Variants in PLPPR5 observed in about 807,000 individuals in gnomAD.
PLPPR5 encodes phospholipid phosphatase related 5, also known as phospholipid phosphatase-related protein type 5.
A neutral mutation model predicts 33.9 loss-of-function variants in PLPPR5; 16 were observed. That is an observed-to-expected ratio of 0.47 (90% CI 0.32 to 0.72). The LOEUF is 0.72. Among genes scored for constraint, PLPPR5 ranks in the 30% least tolerant of loss-of-function variants. PLPPR5 has a pLI of 0.03. For synonymous variants in PLPPR5, 163 were observed against 150.3 expected (o/e 1.08, Z -0.62); for missense variants, 301 against 406.7 (o/e 0.74, Z 2.23).
intron 3 of PLPPR5, among the ~76,000 whole-genome samples, chr1:98,941,774 A>G (rs901976107): frequency 2.0e-5 from 3 of 151,530 alleles, no homozygotes; most frequent in Non-Finnish European, 4.4e-5. Flanking sequence ...TTATAGAGAG[A>G]TTTCTATTTG....
chr1:98,938,416 G>T (rs1414400053), intron 3 of PLPPR5, among the ~76,000 whole-genome samples: 8 of 127,916 alleles, frequency 6.3e-5, no homozygotes, highest in East Asian at 5.6e-4. Flanking sequence ...GGGCAAGATC[G>T]TCTCAAAAAA....
At chr1:98,963,606 T>C (rs1651325922) in intron 1 of PLPPR5, among the ~76,000 whole-genome samples, 1 of 152,154 alleles carries the variant, frequency 6.6e-6, no homozygotes, top group Admixed American at 6.5e-5. Flanking sequence ...CAGAGTTTTA[T>C]TTTGACCACA....
At chr1:98,923,920 G>A (rs189045632) in intron 3 of PLPPR5, among the ~76,000 whole-genome samples, 1 of 152,340 alleles carries the variant, frequency 6.6e-6, no homozygotes, top group Non-Finnish European at 1.5e-5. Context: ...AGCTAATTGA[G>A]TAACTCCTTG....
Position 98,921,901 on chromosome 1 carries a change from A to T in PLPPR5, c.779T>A (p.Ile260Lys). The T allele has an allele frequency of 6.2e-7, 1 of 1,613,302 alleles. No individual in the cohort carries two copies. The highest frequency in any genetic ancestry group is 1.7e-5 in the Admixed American group (1 of 59,756). ...SDVIAGFLVGISIAVFLVVCV... is the reference protein window; with the variant it reads ...SDVIAGFLVGKSIAVFLVVCV... ...ACTTACCAGAAATACTGCTATAGAT[A>T]TTCCAACCAGAAAGCCTGCTATAAC... Residue 260 changes from isoleucine (I) to lysine (K), a missense_variant, in exon 4 of 6, where the codon ATA (isoleucine) becomes AAA (lysine). Ile to Lys is a moderately radical substitution (Grantham distance 102). Coordinates refer to ENST00000263177, the MANE Select transcript of PLPPR5 (RefSeq NM_001037317.2).
At chr1:98,948,730 C>G (rs1185135936) in intron 3 of PLPPR5, among the ~76,000 whole-genome samples, 1 of 152,140 alleles carries the variant, frequency 6.6e-6, no homozygotes, top group Non-Finnish European at 1.5e-5. Context: ...GAGAGAGGCC[C>G]AGCTATTTGT....
In PLPPR5 at chr1:98,902,530, TTGAG is replaced by T. The variant is rs1648733779; in HGVS notation, c.934-9430_934-9427del. Among the ~76,000 whole-genome samples, 4 of 152,134 alleles carry T rather than the reference TTGAG, an allele frequency of 2.6e-5. No homozygotes were observed. The South Asian group carries it at 8.3e-4, about 31-fold the overall frequency. ...ACTGCTTGTTTCATAAAACTGTGAA[TTGAG>T]TCATTGCTTATTTACCTAGTTTTAG... On this transcript the variant is annotated intron_variant, in intron 5 of 5. Coordinates refer to ENST00000263177, the MANE Select transcript of PLPPR5 (RefSeq NM_001037317.2).
At chr1:99,002,359 C>T (rs530926100) in intron 1 of PLPPR5, among the ~76,000 whole-genome samples, 1 of 152,224 alleles carries the variant, frequency 6.6e-6, no homozygotes, top group African/African-American at 2.4e-5. Context: ...GCCTGCCTGA[C>T]CAGCCAGCTT....
intron 1 of PLPPR5, among the ~76,000 whole-genome samples, chr1:98,998,324 G>C (rs527874881): frequency 2.0e-5 from 3 of 152,124 alleles, no homozygotes; most frequent in Non-Finnish European, 4.4e-5. Flanking sequence ...AGAACCAGAG[G>C]GTGGTTCCAC....
chr1:98,911,054 T>C (rs932930916), intron 5 of PLPPR5, among the ~76,000 whole-genome samples: 2 of 152,182 alleles, frequency 1.3e-5, no homozygotes, highest in Non-Finnish European at 2.9e-5. Flanking sequence ...CCTTTCTGCC[T>C]GATGAACACA....
chr1:98,920,752 TA>T (rs1649521293), intron 4 of PLPPR5, among the ~76,000 whole-genome samples: 1 of 152,154 alleles, frequency 6.6e-6, no homozygotes, highest in African/African-American at 2.4e-5. Flanking sequence ...TACTGATTAT[TA>T]ACTAGTAAAA....
At chr1:98,948,683 G>A (rs1376895958) in intron 3 of PLPPR5, among the ~76,000 whole-genome samples, 1 of 152,142 alleles carries the variant, frequency 6.6e-6, no homozygotes, top group African/African-American at 2.4e-5. Flanking sequence ...GATGCCATCA[G>A]GGAAGATGAC....
At chr1:98,978,959 C>T (rs1197934663) in intron 1 of PLPPR5, among the ~76,000 whole-genome samples, 3 of 151,966 alleles carry the variant, frequency 2.0e-5, no homozygotes, top group African/African-American at 7.2e-5. Context: ...TGAAAACATC[C>T]TGTCATTGAG....
chr1:99,005,425 T>A (rs1374974717), upstream of PLPPR5, among the ~76,000 whole-genome samples: 1 of 152,092 alleles, frequency 6.6e-6, no homozygotes, highest in African/African-American at 2.4e-5. Context: ...GTTAGAAAAA[T>A]CTCAGCGAGG....
chr1:98,990,182 A>G (rs1330811281), intron 1 of PLPPR5, among the ~76,000 whole-genome samples: 1 of 152,180 alleles, frequency 6.6e-6, no homozygotes, highest in Non-Finnish European at 1.5e-5. Flanking sequence ...CAGCCTGGCC[A>G]ACATGGTGAA....
chr1:98,932,693 G>A (rs551330987), intron 3 of PLPPR5, among the ~76,000 whole-genome samples: 1 of 152,268 alleles, frequency 6.6e-6, no homozygotes, highest in African/African-American at 2.4e-5. Flanking sequence ...AACAGGCTAT[G>A]GTAAAAGAAT....
chr1:98,976,665 G>C (rs917728093), intron 1 of PLPPR5, among the ~76,000 whole-genome samples: 2 of 151,944 alleles, frequency 1.3e-5, no homozygotes, highest in African/African-American at 4.8e-5. Flanking sequence ...GCAAAATTCA[G>C]ACTAGATTTC....
chr1:98,979,941 T>C (rs1651997566), intron 1 of PLPPR5, among the ~76,000 whole-genome samples: 1 of 152,038 alleles, frequency 6.6e-6, no homozygotes, highest in African/African-American at 2.4e-5. Context: ...CACTGCTCTC[T>C]CATGTCTAAG....
chr1:98,965,987 T>C (rs1651437324), intron 1 of PLPPR5, among the ~76,000 whole-genome samples: 1 of 152,212 alleles, frequency 6.6e-6, no homozygotes, highest in South Asian at 2.1e-4. Context: ...GGGACACACC[T>C]AAACTTTAAA....
intron 3 of PLPPR5, among the ~76,000 whole-genome samples, chr1:98,952,445 C>A (rs1650825690): frequency 2.0e-5 from 3 of 152,032 alleles, no homozygotes; most frequent in Admixed American, 2.0e-4. Context: ...TTTCCTTCTG[C>A]ATATGGGTAA....
Sources: gnomAD v4.1 joint callset for allele counts (sites outside exome capture counted in the v4.1 genomes callset) on GRCh38, gnomAD v4.1.1 for gene constraint, MANE v1.5 for transcripts, NCBI Gene and HGNC (gene_info 2026-07-23, HGNC 2026-07-21) for gene names.